Variants in ZNF91 observed in about 807,000 individuals in gnomAD.
ZNF91 encodes zinc finger protein 91 (HPF7, HTF10).
In ZNF91, 7 loss-of-function variants were observed where a neutral mutation model predicts 12.6. The observed-to-expected ratio is 0.55, with a 90% CI of 0.31 to 1.04. The LOEUF (loss-of-function observed/expected upper bound fraction) is 1.04, where lower values mean the gene tolerates loss of function less well. Among genes scored for constraint, ZNF91 ranks in the 50% least tolerant of loss-of-function variants. The pLI is 0.05. For synonymous variants in ZNF91, 453 were observed against 462.6 expected, an observed-to-expected ratio of 0.98 and a Z score of 0.27; for missense variants, 1,217 against 1,385.4, an observed-to-expected ratio of 0.88 and a Z score of 1.93.
chr19:23,360,269 GA>G lies in ZNF91; in HGVS notation c.2709del (p.His904IlefsTer55). ...CATTTGTAGGTTTTCTCTCTGGTATGAATTCTCTTATGTTCAGTAAGGGTTG... is the reference window on the plus strand; with the variant it reads ...CATTTGTAGGTTTTCTCTCTGGTATGATTCTCTTATGTTCAGTAAGGGTTG... ...WSSTLTEHKRIHTREKTYKCE... is the reference protein window; with the variant it reads ...WSSTLTEHKRXHTREKTYKCE... On this transcript the variant is annotated frameshift_variant, in exon 4 of 4. Transcript: ENST00000300619. LOFTEE classifies it low-confidence loss of function (END_TRUNC). 1 of 1,613,862 alleles carries G rather than the reference GA, an allele frequency of 6.2e-7. No homozygotes were observed.
At chr19:23,366,196 C>T (rs544265772) in intron 3 of ZNF91, among the ~76,000 whole-genome samples, 1 of 151,732 alleles carries the variant, frequency 6.6e-6, no homozygotes, top group East Asian at 2.0e-4. Context: ...CCGGCGGGGG[C>T]TGACCCCCCC....
At chr19:23,364,459 T>A (rs1482397237) in intron 3 of ZNF91, among the ~76,000 whole-genome samples, 3 of 151,702 alleles carry the variant, frequency 2.0e-5, no homozygotes, top group Non-Finnish European at 2.9e-5. Context: ...AAAAAAAAAA[T>A]GGTAGTTGTT....
downstream of ZNF91, among the ~76,000 whole-genome samples, chr19:23,354,696 A>G (rs1165255114): frequency 1.3e-5 from 2 of 152,148 alleles, no homozygotes; most frequent in Admixed American, 6.5e-5. Flanking sequence ...CTTGCTGATG[A>G]TGTGATCATT....
At chr19:23,340,265 G>C (rs1333349166) in intron 3 of ZNF91, 1 of 151,992 alleles carries the variant, frequency 6.6e-6, no homozygotes, top group Non-Finnish European at 1.5e-5. Flanking sequence ...TTTTCAAAAA[G>C]ACAAAATTGG....
At chr19:23,345,377 C>G (rs1968203234) in intron 3 of ZNF91, among the ~76,000 whole-genome samples, 1 of 152,152 alleles carries the variant, frequency 6.6e-6, no homozygotes, top group African/African-American at 2.4e-5. Context: ...AATCTGGCCA[C>G]AATACGAATT....
downstream of ZNF91, among the ~76,000 whole-genome samples, chr19:23,336,475 G>T (rs967405270): frequency 6.6e-6 from 1 of 152,180 alleles, no homozygotes; most frequent in South Asian, 2.1e-4. Context: ...TGCAAATGGA[G>T]CACTTGCCAG....
intron 3 of ZNF91, among the ~76,000 whole-genome samples, chr19:23,352,410 A>G (rs2145031083): frequency 6.6e-6 from 1 of 152,262 alleles, no homozygotes; most frequent in African/African-American, 2.4e-5. Context: ...GTCTGAACTC[A>G]GACACATCTA....
intron 3 of ZNF91, among the ~76,000 whole-genome samples, chr19:23,363,583 C>A (rs922730760): frequency 6.6e-6 from 1 of 152,162 alleles, no homozygotes; most frequent in Admixed American, 6.5e-5. Flanking sequence ...CAGGACAAAA[C>A]TACATTATAA....
At chr19:23,389,822 C>T (rs1190301510) in intron 1 of ZNF91, among the ~76,000 whole-genome samples, 1 of 152,196 alleles carries the variant, frequency 6.6e-6, no homozygotes, top group East Asian at 1.9e-4. Context: ...AGAGTCAGCA[C>T]AGACCTTGAT....
At chr19:23,383,405 C>T (rs1057303440) in intron 1 of ZNF91, among the ~76,000 whole-genome samples, 4 of 152,120 alleles carry the variant, frequency 2.6e-5, no homozygotes, top group Admixed American at 6.6e-5. Flanking sequence ...AACCTGGAAG[C>T]GGATGGGTAC....
At chr19:23,329,459 T>C (rs755170496) in intron 1 of ZNF91, among the ~76,000 whole-genome samples, 4 of 152,116 alleles carry the variant, frequency 2.6e-5, no homozygotes, top group Admixed American at 6.5e-5. Flanking sequence ...TCTTGTGATA[T>C]GCTTAATGTC....
At chr19:23,319,515 A>G (rs1484576389) in intron 1 of ZNF91, among the ~76,000 whole-genome samples, 2 of 152,346 alleles carry the variant, frequency 1.3e-5, no homozygotes, top group South Asian at 2.1e-4. Context: ...CACTGGGTCC[A>G]ACACCTAGAA....
chr19:23,377,832 G>C (rs1016047299), intron 1 of ZNF91, among the ~76,000 whole-genome samples: 2 of 152,128 alleles, frequency 1.3e-5, no homozygotes, highest in Admixed American at 6.5e-5. Flanking sequence ...GGATGTTACA[G>C]AGCACTGTGA....
chr19:23,357,237 A>AAACAACAAC (rs71163489), downstream of ZNF91, among the ~76,000 whole-genome samples: 41,981 of 151,512 alleles, frequency 0.28, 6,121 homozygotes, highest in African/African-American at 0.37. Flanking sequence ...AAAAACAAAC[A>AAACAACAAC]AACAACAACA....
At chr19:23,356,470 AC>A (rs1968489145), downstream of ZNF91, among the ~76,000 whole-genome samples, 1 of 152,196 alleles carries the variant, frequency 6.6e-6, no homozygotes, top group Non-Finnish European at 1.5e-5. Context: ...GAGATTGGAG[AC>A]TATTATTCTA....
At chr19:23,337,844 T>C (rs977711807), downstream of ZNF91, 1 of 152,218 alleles carries the variant, frequency 6.6e-6, no homozygotes, top group Non-Finnish European at 1.5e-5. Flanking sequence ...GAACTGAAGA[T>C]TTATTGCAGG....
At chr19:23,354,182 T>C (rs918265560), downstream of ZNF91, among the ~76,000 whole-genome samples, 4 of 152,092 alleles carry the variant, frequency 2.6e-5, no homozygotes, top group Non-Finnish European at 4.4e-5. Flanking sequence ...ACATTGATGC[T>C]AATATCCTTA....
chr19:23,315,378 G>C (rs959329646), upstream of ZNF91, among the ~76,000 whole-genome samples: 6 of 152,186 alleles, frequency 3.9e-5, no homozygotes, highest in African/African-American at 1.4e-4. Context: ...GCCCATAGAA[G>C]AGATAGTGAC....
intron 3 of ZNF91, chr19:23,307,022 C>T (rs980930957): frequency 2.6e-5 from 4 of 152,192 alleles, no homozygotes; most frequent in Non-Finnish European, 5.9e-5. Flanking sequence ...AACTCCTGAC[C>T]TCAGGTGATC....
Sources: allele counts gnomAD v4.1 joint callset (sites outside exome capture counted in the v4.1 genomes callset), GRCh38; gene constraint gnomAD v4.1.1; transcripts MANE v1.5; gene names NCBI Gene and HGNC (gene_info 2026-07-23, HGNC 2026-07-21).